RTTN: variants seen among roughly 807,000 people sequenced by gnomAD.
The protein encoded by RTTN is rotatin.
RTTN carries 182 observed loss-of-function variants against 269.2 expected under a neutral mutation model. The observed-to-expected ratio is 0.68, with a 90% CI of 0.60 to 0.76. The LOEUF is 0.76. Ranked by LOEUF, RTTN falls within the 30% of genes least tolerant of loss-of-function variation. The pLI, the probability that RTTN is intolerant of heterozygous loss-of-function variation, is 0.00. For synonymous variants in RTTN, 1,006 were observed against 963.5 expected, an observed-to-expected ratio of 1.04 and a Z score of -0.82; for missense variants, 2,545 against 2,608.6, an observed-to-expected ratio of 0.98 and a Z score of 0.53.
At position 70,148,969 on chromosome 18, in the gene RTTN, T is replaced by C; in HGVS notation, c.2241A>G (p.Thr747=). Residue 747 remains threonine, a synonymous_variant, in exon 17 of 49, where the codon ACA becomes ACG. Coordinates refer to ENST00000640769, the MANE Select transcript of RTTN (RefSeq NM_173630.4). ...GGGTAGTACACGGAAGCATCTCTTC[T>C]GTGTCAGAACTTGCTTTGCTTAGAA... ...ILLLSKASSD[T]EEMLPCTTRL... is the part of the protein sequence containing the mutation. 1.2e-6 allele frequency: 2 copies of C among 1,613,578 alleles called. No homozygotes were observed. Among genetic ancestry groups the C allele is most frequent in the Non-Finnish European group, 1.7e-6 (2 of 1,179,548 alleles).
In RTTN at chr18:70,086,502, G is replaced by C. The variant is rs757065176; in HGVS notation, c.4374+111C>G. Reference sequence around the variant, plus strand: ...CTACGTTCTATTTTAAGAGGCCCTTGCTGTCTTGTATATAGTTTCATCAAT... The same window carrying C: ...CTACGTTCTATTTTAAGAGGCCCTTCCTGTCTTGTATATAGTTTCATCAAT... On this transcript the variant is annotated intron_variant, in intron 32 of 48. Coordinates refer to ENST00000640769, the MANE Select transcript of RTTN (RefSeq NM_173630.4). 1.2e-4 allele frequency: 107 copies of C among 881,052 alleles called. 1 individual carries two copies. The highest frequency in any genetic ancestry group is 1.7e-4 in the Admixed American group (7 of 41,744). 54.6% of individuals were successfully genotyped at this position (881,052 alleles called of 1,614,324 possible).
At chr18:70,095,374 A>G (rs540858884) in intron 28 of RTTN, among the ~76,000 whole-genome samples, 3 of 152,238 alleles carry the variant, frequency 2.0e-5, no homozygotes, top group South Asian at 4.1e-4. Context: ...CCATTAGTTG[A>G]CGCAGTTTCT....
rs115926328 is a variant in RTTN at position 70,030,196 on chromosome 18, G to C, written c.5648-87C>G. 1.3e-3 allele frequency: 1,104 copies of C among 868,196 alleles called. 7 individuals carry two copies. In the African/African-American group the frequency reaches 0.017, roughly 13 times the overall value. The allele number at this position is 868,196 out of a possible 1,614,324, so 53.8% of individuals were successfully genotyped here. A position where few individuals can be genotyped will look rare whatever the true frequency, so the allele number is the denominator to read the frequency against. On this transcript the variant is annotated intron_variant, in intron 41 of 48. Coordinates refer to ENST00000640769, the MANE Select transcript of RTTN (RefSeq NM_173630.4). ...ATATACCAATCAGATTCTCAAAAAGGTAACATTTTCTATTTCTGACCCACT... is the reference window on the plus strand; with the variant it reads ...ATATACCAATCAGATTCTCAAAAAGCTAACATTTTCTATTTCTGACCCACT...
chr18:70,069,790 G>C (rs758187851), intron 34 of RTTN, among the ~76,000 whole-genome samples: 3 of 151,812 alleles, frequency 2.0e-5, no homozygotes, highest in Non-Finnish European at 4.4e-5. Flanking sequence ...TTTTTAAAAA[G>C]GTACAAAGGG....
chr18:70,175,045 C>CAAAA (rs5825998), intron 11 of RTTN, among the ~76,000 whole-genome samples: 88 of 86,714 alleles, frequency 1.0e-3, no homozygotes, highest in Middle Eastern at 0.011. Context: ...AAACCAAAAC[C>CAAAA]AAAAAAAAAA....
chr18:70,049,879 T>C (rs924482273), intron 39 of RTTN, among the ~76,000 whole-genome samples: 4 of 152,208 alleles, frequency 2.6e-5, no homozygotes, highest in Non-Finnish European at 4.4e-5. Context: ...AATTCTGATG[T>C]GATGAGAAAG....
intron 46 of RTTN, among the ~76,000 whole-genome samples, chr18:70,015,338 C>T (rs1205467471): frequency 6.6e-6 from 1 of 152,078 alleles, no homozygotes; most frequent in Non-Finnish European, 1.5e-5. Context: ...ACTGGGATTA[C>T]AGTTGTGAGC....
intron 26 of RTTN, among the ~76,000 whole-genome samples, chr18:70,116,235 A>G (rs2059599842): frequency 6.6e-6 from 1 of 152,040 alleles, no homozygotes; most frequent in South Asian, 2.1e-4. Context: ...CCAAGACGCA[A>G]ACTCCATCTT....
intron 26 of RTTN, among the ~76,000 whole-genome samples, chr18:70,119,435 G>A (rs948450501): frequency 2.0e-5 from 3 of 151,950 alleles, no homozygotes; most frequent in Non-Finnish European, 2.9e-5. Context: ...GAAAGGGGAG[G>A]GGAGGGAAGA....
intron 10 of RTTN, among the ~76,000 whole-genome samples, chr18:70,181,671 T>C (rs961782572): frequency 6.6e-5 from 10 of 152,194 alleles, no homozygotes; most frequent in Admixed American, 3.3e-4. Context: ...CAACATTTAT[T>C]ATTTTGTTCC....
chr18:70,128,464 C>A lies in RTTN; in HGVS notation c.3037G>T (p.Ala1013Ser). Reference protein sequence around the residue: ...IVLPLSADCLALKPVSDMLRI... With the variant: ...IVLPLSADCLSLKPVSDMLRI... ...AGCATATCTGACACCGGCTTCAAGG[C>A]CAAACAATCAGCAGATAAGGGCAAA... The change falls in exon 24 of 49, where the codon GCC becomes TCC. Residue 1013 changes from alanine to serine, a missense_variant. Ala to Ser is a moderately conservative substitution (Grantham distance 99). Transcript: ENST00000640769. The A allele has an allele frequency of 1.2e-6, 2 of 1,613,236 alleles. No homozygotes were observed. The highest frequency in any genetic ancestry group is 3.3e-4 in the Middle Eastern group (2 of 6,058).
chr18:70,181,770 T>C (rs947304351), intron 10 of RTTN, among the ~76,000 whole-genome samples: 1 of 152,228 alleles, frequency 6.6e-6, no homozygotes, highest in Non-Finnish European at 1.5e-5. Flanking sequence ...TGTTTGCTTC[T>C]TTTAAAATAT....
At chr18:70,093,146 G>A (rs542940489) in intron 28 of RTTN, among the ~76,000 whole-genome samples, 21 of 152,098 alleles carry the variant, frequency 1.4e-4, no homozygotes, top group East Asian at 3.9e-4. Flanking sequence ...TGGAGCTTGC[G>A]GTGAGCTATG....
rs149336764 is a variant in RTTN, at chr18:70,176,184, C to CGTAGAT, written c.1476+485_1476+490dup. Among the ~76,000 whole-genome samples the CGTAGAT allele has an allele frequency of 3.6e-3, 528 of 145,486 alleles. 4 individuals are homozygous for CGTAGAT. The highest frequency in any genetic ancestry group is 0.011 in the African/African-American group (430 of 38,678). The stretch of plus-strand genomic sequence containing the variant: ...ATATACATGTATATGTATATGTATA[C>CGTAGAT]GTAGATGTAGATGTAGATGTATATG... On this transcript the variant is annotated intron_variant, in intron 11 of 48. Transcript: ENST00000640769.
chr18:70,139,168 C>A (rs1430103407), intron 21 of RTTN, among the ~76,000 whole-genome samples: 1 of 152,152 alleles, frequency 6.6e-6, no homozygotes, highest in Non-Finnish European at 1.5e-5. Context: ...TTTCTACTCA[C>A]ACAGGTTGAG....
At chr18:70,015,364 C>A (rs2056509505) in intron 46 of RTTN, among the ~76,000 whole-genome samples, 1 of 152,090 alleles carries the variant, frequency 6.6e-6, no homozygotes, top group South Asian at 2.1e-4. Flanking sequence ...TGCCAAGCCC[C>A]AGATCTATTT....
intron 1 of RTTN, 99 bp from the exon 2 acceptor site, chr18:70,205,414 G>GC: frequency 6.7e-7 from 1 of 1,501,454 alleles, no homozygotes; most frequent in African/African-American, 1.4e-5. Flanking sequence ...GAATAAACCA[G>GC]TTTTTTTCAG....
chr18:70,145,946 G>A (rs1438614742), intron 17 of RTTN, among the ~76,000 whole-genome samples, 163 bp from the exon 18 acceptor site: 4 of 151,900 alleles, frequency 2.6e-5, no homozygotes, highest in South Asian at 2.1e-4. Context: ...AAAATTCTTC[G>A]ATATATAATT....
At chr18:70,150,796 CT>C in intron 14 of RTTN, 63 bp from the exon 15 acceptor site, 1 of 1,337,182 alleles carries the variant, frequency 7.5e-7, no homozygotes, top group Non-Finnish European at 1.0e-6. Context: ...AAAGATCCAT[CT>C]TTCTTCTGTT....
Sources: gnomAD v4.1 joint callset for allele counts (sites outside exome capture counted in the v4.1 genomes callset) on GRCh38, gnomAD v4.1.1 for gene constraint, MANE v1.5 for transcripts, NCBI Gene and HGNC (gene_info 2026-07-23, HGNC 2026-07-21) for gene names.